Variants in TRPM3 observed in about 807,000 individuals in gnomAD.
TRPM3 encodes the protein transient receptor potential cation channel subfamily M member 3, also known as long transient receptor potential channel 3.
Under a neutral mutation model 181.2 loss-of-function variants are expected in TRPM3, and 77 were observed. The observed-to-expected ratio is 0.42, with a 90% CI of 0.35 to 0.51. The LOEUF is 0.51. TRPM3 is among the 20% of genes least tolerant of loss of function. TRPM3 has a pLI of 0.01. For synonymous variants in TRPM3, 745 were observed against 796.4 expected (o/e 0.94, Z 1.09); for missense variants, 1,759 against 2,196.7 (o/e 0.80, Z 3.98).
chr9:70,918,848 C>T (rs2096627476), intron 1 of TRPM3, among the ~76,000 whole-genome samples: 1 of 151,462 alleles, frequency 6.6e-6, no homozygotes, highest in African/African-American at 2.4e-5. Flanking sequence ...AAAAAATAAA[C>T]ATAATAGGCC....
intron 7 of TRPM3, among the ~76,000 whole-genome samples, chr9:70,765,633 C>G (rs915107610): frequency 1.3e-5 from 2 of 152,098 alleles, no homozygotes; most frequent in African/African-American, 2.4e-5. Flanking sequence ...ATATTTACTT[C>G]TAATTTTTCA....
chr9:70,964,620 T>C (rs1172542787), intron 1 of TRPM3, among the ~76,000 whole-genome samples: 1 of 152,132 alleles, frequency 6.6e-6, no homozygotes, highest in Non-Finnish European at 1.5e-5. Flanking sequence ...TATTCTGAGC[T>C]GATGTGAATT....
intron 22 of TRPM3, among the ~76,000 whole-genome samples, chr9:70,559,355 A>G (rs1479650725): frequency 1.3e-5 from 2 of 152,216 alleles, no homozygotes; most frequent in Admixed American, 6.5e-5. Context: ...AACAAGTATC[A>G]TCATGACCTG....
At chr9:70,567,422 T>C (rs932181873) in intron 22 of TRPM3, among the ~76,000 whole-genome samples, 1 of 152,288 alleles carries the variant, frequency 6.6e-6, no homozygotes, top group African/African-American at 2.4e-5. Context: ...AAGTTGATAA[T>C]ATTCATTAGA....
chr9:70,787,182 A>G (rs529366517), intron 6 of TRPM3, among the ~76,000 whole-genome samples: 5 of 152,216 alleles, frequency 3.3e-5, no homozygotes, highest in African/African-American at 9.6e-5. Context: ...TTTCAGGATA[A>G]TGATTTCCTA....
At chr9:71,399,981 A>G (rs1434538319) in intron 1 of TRPM3, among the ~76,000 whole-genome samples, 1 of 152,174 alleles carries the variant, frequency 6.6e-6, no homozygotes, top group Non-Finnish European at 1.5e-5. Flanking sequence ...GCTTGACCAA[A>G]TTACTTAAAC....
At chr9:70,573,571 TAATCAGGGAGGGCAAGCAAAAAC>T (rs1003036145) in intron 22 of TRPM3, among the ~76,000 whole-genome samples, 1 of 151,660 alleles carries the variant, frequency 6.6e-6, no homozygotes, top group Admixed American at 6.6e-5. Context: ...ATGATGCCCC[TAATCAGGGAGGGCAAGCAAAAAC>T]AATCAGGGAG....
intron 1 of TRPM3, among the ~76,000 whole-genome samples, chr9:71,105,938 G>C (rs1321772195): frequency 6.6e-6 from 1 of 152,034 alleles, no homozygotes; most frequent in Non-Finnish European, 1.5e-5. Flanking sequence ...TCTTGATATG[G>C]GTTGTGGTCA....
intron 1 of TRPM3, among the ~76,000 whole-genome samples, chr9:71,176,062 G>A (rs1056888303): frequency 3.9e-5 from 6 of 151,962 alleles, no homozygotes; most frequent in Admixed American, 1.3e-4. Flanking sequence ...GATGACATAC[G>A]GTACATAATA....
At chr9:71,175,191 C>T (rs1238582164) in intron 1 of TRPM3, among the ~76,000 whole-genome samples, 2 of 152,172 alleles carry the variant, frequency 1.3e-5, no homozygotes, top group Non-Finnish European at 2.9e-5. Context: ...AAAATCAAAT[C>T]ATGTGTGGCC....
intron 7 of TRPM3, chr9:70,774,331 A>C (rs1344811402): frequency 6.5e-6 from 1 of 152,870 alleles, no homozygotes; most frequent in Non-Finnish European, 1.5e-5. Context: ...ATGAATAGTA[A>C]ATATATTTTC....
intron 1 of TRPM3, among the ~76,000 whole-genome samples, chr9:71,064,340 T>C (rs1357904121): frequency 6.6e-6 from 1 of 152,112 alleles, no homozygotes; most frequent in Non-Finnish European, 1.5e-5. Flanking sequence ...TAAAATTGAC[T>C]TCTATACATT....
intron 1 of TRPM3, among the ~76,000 whole-genome samples, chr9:71,333,353 C>G (rs1369771436): frequency 6.6e-6 from 1 of 151,984 alleles, no homozygotes; most frequent in East Asian, 1.9e-4. Context: ...GGATAATCCT[C>G]TCCTATTGAG....
intron 19 of TRPM3, among the ~76,000 whole-genome samples, chr9:70,604,793 C>A (rs114266840): frequency 2.0e-5 from 3 of 151,852 alleles, no homozygotes; most frequent in South Asian, 4.2e-4. Context: ...ATAACAGGCA[C>A]GTGCCACCAC....
At chr9:71,073,107 G>A (rs1446796304) in intron 1 of TRPM3, among the ~76,000 whole-genome samples, 1 of 152,162 alleles carries the variant, frequency 6.6e-6, no homozygotes, top group Non-Finnish European at 1.5e-5. Flanking sequence ...GTCTCAAGTA[G>A]TAACAGTAGT....
chr9:71,302,600 T>C (rs2086879309), intron 1 of TRPM3, among the ~76,000 whole-genome samples: 1 of 152,184 alleles, frequency 6.6e-6, no homozygotes, highest in African/African-American at 2.4e-5. Flanking sequence ...TACTCTACTT[T>C]TAAATTTCAA....
chr9:71,245,279 C>A (rs2081968446), intron 1 of TRPM3, among the ~76,000 whole-genome samples: 1 of 151,956 alleles, frequency 6.6e-6, no homozygotes, highest in South Asian at 2.1e-4. Flanking sequence ...CCCATCTCTA[C>A]TAGAAATACA....
intron 1 of TRPM3, among the ~76,000 whole-genome samples, chr9:70,977,282 G>A (rs751479704): frequency 7.4e-4 from 112 of 152,046 alleles, no homozygotes; most frequent in Non-Finnish European, 1.5e-3. Flanking sequence ...CTACAGGCTC[G>A]CGCCACCATG....
chr9:71,061,169 G>T (rs2061287020), intron 1 of TRPM3, among the ~76,000 whole-genome samples: 1 of 152,118 alleles, frequency 6.6e-6, no homozygotes, highest in Admixed American at 6.6e-5. Context: ...TTGACAGGAG[G>T]TCAATGTGGC....
Sources: allele counts gnomAD v4.1 joint callset (sites outside exome capture counted in the v4.1 genomes callset), GRCh38; gene constraint gnomAD v4.1.1; transcripts MANE v1.5; gene names NCBI Gene and HGNC (gene_info 2026-07-23, HGNC 2026-07-21).